Variants in NRXN3 observed in about 807,000 individuals in gnomAD.
NRXN3 encodes neurexin 3, also known as neurexin III.
A neutral mutation model predicts 137.6 loss-of-function variants in NRXN3; 32 were observed. That is an observed-to-expected ratio of 0.23 (90% CI 0.18 to 0.31). The LOEUF is 0.31. Ranked by LOEUF, NRXN3 falls within the 10% of genes least tolerant of loss-of-function variation. NRXN3 has a pLI of 1.00. For missense variants in NRXN3, 1,574 were observed against 2,062.5 expected, an observed-to-expected ratio of 0.76 and a Z score of 4.59; for synonymous variants, 798 against 784.5, an observed-to-expected ratio of 1.02 and a Z score of -0.29.
At chr14:78,678,338 A>C (rs879651616) in intron 6 of NRXN3, among the ~76,000 whole-genome samples, 1 of 146,764 alleles carries the variant, frequency 6.8e-6, no homozygotes, top group African/African-American at 2.5e-5. Flanking sequence ...TTTTTTGTAG[A>C]GACAGGGTTT....
chr14:78,579,018 A>G (rs1432537919), intron 4 of NRXN3, among the ~76,000 whole-genome samples: 3 of 152,008 alleles, frequency 2.0e-5, no homozygotes, highest in Admixed American at 6.5e-5. Context: ...CTGTCAACCT[A>G]TTATAGAATT....
intron 6 of NRXN3, among the ~76,000 whole-genome samples, chr14:78,698,705 C>T (rs556236951): frequency 9.2e-5 from 14 of 152,088 alleles, no homozygotes; most frequent in Admixed American, 9.2e-4. Context: ...TAGTGTTCTG[C>T]TGAGACATAT....
intron 10 of NRXN3, among the ~76,000 whole-genome samples, chr14:78,909,080 C>A (rs154323): frequency 0.3 from 45,621 of 152,034 alleles, 10,955 homozygotes; most frequent in African/African-American, 0.65. Context: ...AAGTTGAGCA[C>A]ACTTTCTAGT....
intron 15 of NRXN3, among the ~76,000 whole-genome samples, chr14:79,135,424 T>G (rs894004900): frequency 1.3e-5 from 2 of 152,162 alleles, no homozygotes; most frequent in African/African-American, 4.8e-5. Context: ...AACACATAGA[T>G]ATGAAGAAAG....
In NRXN3 at chr14:78,242,839, C is replaced by T. The variant is rs1216210047; in HGVS notation, c.-255C>T. The T allele has an allele frequency of 2.2e-6, 1 of 459,880 alleles. No homozygotes were observed. The highest frequency in any genetic ancestry group is 2.0e-5 in the African/African-American group (1 of 50,256). 28.5% of individuals were successfully genotyped at this position (459,880 alleles called of 1,614,324 possible). ...CCTCACTTCCCCACCTGATTTTCCTCCTCTTCTGCTGGTCCTGTCTTTTTC... is the reference window on the plus strand; with the variant it reads ...CCTCACTTCCCCACCTGATTTTCCTTCTCTTCTGCTGGTCCTGTCTTTTTC... On this transcript the variant is annotated 5_prime_UTR_variant, in exon 2 of 21. Coordinates refer to ENST00000335750, the MANE Select transcript of NRXN3 (RefSeq NM_001330195.2).
At chr14:79,500,079 G>A (rs142083284) in intron 16 of NRXN3, among the ~76,000 whole-genome samples, 77 of 151,838 alleles carry the variant, frequency 5.1e-4, no homozygotes, top group African/African-American at 1.5e-3. Context: ...ACTTATGTGC[G>A]TATTGTTTTG....
intron 6 of NRXN3, among the ~76,000 whole-genome samples, chr14:78,681,656 A>G (rs1445427238): frequency 6.6e-6 from 1 of 152,154 alleles, no homozygotes; most frequent in Non-Finnish European, 1.5e-5. Context: ...GTTTGAGCCT[A>G]AAGGAAAATG....
intron 15 of NRXN3, among the ~76,000 whole-genome samples, chr14:79,434,274 A>G (rs1287708175): frequency 2.0e-5 from 3 of 152,204 alleles, no homozygotes; most frequent in Non-Finnish European, 2.9e-5. Context: ...AAAATAAAGA[A>G]TGAGATTCAG....
chr14:78,726,959 T>TAAAAAAAAAAAA (rs55802240), intron 8 of NRXN3, among the ~76,000 whole-genome samples: 2 of 121,006 alleles, frequency 1.7e-5, no homozygotes, highest in East Asian at 2.7e-4. Flanking sequence ...ATTTATTCAC[T>TAAAAAAAAAAAA]AAAAAAAAAA....
intron 10 of NRXN3, among the ~76,000 whole-genome samples, chr14:78,813,422 TG>T (rs2098920953): frequency 1.3e-5 from 2 of 152,194 alleles, no homozygotes; most frequent in African/African-American, 4.8e-5. Context: ...ACCCTGGGTT[TG>T]AGGGAGAGGA....
chr14:78,330,114 A>C (rs746805155), intron 4 of NRXN3, among the ~76,000 whole-genome samples: 1 of 152,178 alleles, frequency 6.6e-6, no homozygotes, highest in Non-Finnish European at 1.5e-5. Context: ...TCCTAGTGAC[A>C]CAGTTAAACA....
intron 18 of NRXN3, among the ~76,000 whole-genome samples, chr14:79,694,638 T>A (rs2098728432): frequency 6.6e-6 from 1 of 151,950 alleles, no homozygotes; most frequent in African/African-American, 2.4e-5. Flanking sequence ...GGGGAAATCT[T>A]GGGCAAATGA....
chr14:78,761,461 C>T (rs1292418523), intron 8 of NRXN3, among the ~76,000 whole-genome samples: 1 of 152,092 alleles, frequency 6.6e-6, no homozygotes, highest in East Asian at 1.9e-4. Flanking sequence ...GGGGATTTTG[C>T]AGTAAATCAA....
intron 16 of NRXN3, among the ~76,000 whole-genome samples, chr14:79,517,149 G>T (rs2096998627): frequency 6.7e-6 from 1 of 149,322 alleles, no homozygotes; most frequent in Non-Finnish European, 1.5e-5. Flanking sequence ...TAGAGACTGT[G>T]GTCACACTTT....
At chr14:79,501,354 T>C (rs1274457677) in intron 16 of NRXN3, among the ~76,000 whole-genome samples, 3 of 152,154 alleles carry the variant, frequency 2.0e-5, no homozygotes. Flanking sequence ...ATGAAGATCT[T>C]GTTCTGTTTT....
chr14:78,460,011 A>G (rs1000715948), intron 4 of NRXN3, among the ~76,000 whole-genome samples: 2 of 152,336 alleles, frequency 1.3e-5, no homozygotes, highest in East Asian at 3.9e-4. Flanking sequence ...GATTCCCACA[A>G]TCCCCTCCCC....
At chr14:79,070,086 C>G (rs2099685701) in intron 15 of NRXN3, among the ~76,000 whole-genome samples, 1 of 152,106 alleles carries the variant, frequency 6.6e-6, no homozygotes, top group South Asian at 2.1e-4. Flanking sequence ...AATGTCACAT[C>G]AAATTAGGAA....
Position 79,815,391 on chromosome 14 carries a change from T to G in NRXN3, c.4093+10201T>G, listed in dbSNP as rs200875142. Among the ~76,000 whole-genome samples the G allele has an allele frequency of 1.2e-4, 18 of 152,314 alleles. No individual in the cohort carries two copies. In the East Asian group the frequency reaches 2.9e-3, roughly 24 times the overall value. ...TCAGATGAAAAATCTGTATTTGTAA[T>G]CTGAAAAAGAGAAAGCATATCCAGA... is the stretch of plus-strand genomic sequence containing the variant. On this transcript the variant is annotated intron_variant, in intron 20 of 20. Coordinates refer to ENST00000335750, the MANE Select transcript of NRXN3 (RefSeq NM_001330195.2).
chr14:78,830,953 T>C (rs1362707986), intron 10 of NRXN3, among the ~76,000 whole-genome samples: 4 of 152,202 alleles, frequency 2.6e-5, no homozygotes. Flanking sequence ...TTTAAAATAT[T>C]TCACATATTC....
Sources: allele counts gnomAD v4.1 joint callset (sites outside exome capture counted in the v4.1 genomes callset), GRCh38; gene constraint gnomAD v4.1.1; transcripts MANE v1.5; gene names NCBI Gene and HGNC (gene_info 2026-07-23, HGNC 2026-07-21).